The following CLEC12A variants were observed in gnomAD, a reference collection of about 807,000 sequenced individuals.
CLEC12A encodes C-type lectin protein CLL-1.
CLEC12A carries 22 observed loss-of-function variants against 26.5 expected under a neutral mutation model. The observed-to-expected ratio is 0.83, with a 90% confidence interval of 0.59 to 1.19. The LOEUF (loss-of-function observed/expected upper bound fraction) is 1.19. CLEC12A is among the 50% of genes most tolerant of loss of function. The pLI, the probability that CLEC12A is intolerant of heterozygous loss-of-function variation, is 0.00. For missense variants in CLEC12A, 353 were observed against 315.6 expected, an observed-to-expected ratio of 1.12 and a Z score of -0.90; for synonymous variants, 119 against 101.9, an observed-to-expected ratio of 1.17 and a Z score of -1.01.
intron 1 of CLEC12A, among the ~76,000 whole-genome samples, chr12:9,962,245 G>T (rs1007339988): frequency 2.1e-5 from 3 of 145,892 alleles, no homozygotes; most frequent in African/African-American, 7.6e-5. Context: ...ATGTATAACC[G>T]GTTTTTTCTT....
chr12:9,983,772 G>C, intron 5 of CLEC12A: 1 of 435,802 alleles, frequency 2.3e-6, no homozygotes, highest in Non-Finnish European at 4.1e-6. Flanking sequence ...CATAGAAATA[G>C]TAAGTGTAGG....
intron 1 of CLEC12A, among the ~76,000 whole-genome samples, chr12:9,978,048 G>C (rs1172400566): frequency 6.6e-6 from 1 of 152,030 alleles, no homozygotes; most frequent in Non-Finnish European, 1.5e-5. Flanking sequence ...TATAAGTTAA[G>C]TTTTACTATT....
rs146324782 is a variant in CLEC12A at position 9,960,522 on chromosome 12, C to G, written c.10+9166C>G. 1.9e-3 allele frequency among the ~76,000 whole-genome samples: 293 copies of G among 152,302 alleles called. 1 individual carries two copies. Among genetic ancestry groups the G allele is most frequent in the African/African-American group, 6.9e-3 (287 of 41,556 alleles). ...CCAGATCATAGTGCTCCAATGACTACTTCTGATTATAGTGCCACATTTCCA... is the reference window on the plus strand; with the variant it reads ...CCAGATCATAGTGCTCCAATGACTAGTTCTGATTATAGTGCCACATTTCCA... On this transcript the variant is annotated intron_variant, in intron 1 of 6. Transcript: ENST00000355690.
intron 1 of CLEC12A, chr12:9,951,612 A>G (rs1410450347): frequency 6.0e-6 from 3 of 499,080 alleles, no homozygotes; most frequent in Non-Finnish European, 1.1e-5. Flanking sequence ...CCATTTGCAG[A>G]TTGAACTAGC....
chr12:9,964,634 G>T (rs1426149623), intron 1 of CLEC12A, among the ~76,000 whole-genome samples: 1 of 152,120 alleles, frequency 6.6e-6, no homozygotes. Context: ...TGTAGGGAAA[G>T]GAGGGGGCCT....
At chr12:9,982,553 A>G (rs1224928968) in intron 5 of CLEC12A, among the ~76,000 whole-genome samples, 1 of 152,158 alleles carries the variant, frequency 6.6e-6, no homozygotes, top group Non-Finnish European at 1.5e-5. Context: ...ATATAGTGTG[A>G]TAAATGCTTC....
At chr12:9,961,270 C>T (rs1023054261) in intron 1 of CLEC12A, among the ~76,000 whole-genome samples, 18 of 152,276 alleles carry the variant, frequency 1.2e-4, no homozygotes, top group Admixed American at 4.6e-4. Context: ...GTGTTCGACA[C>T]GCACTTCCTG....
At chr12:9,966,504 A>G (rs1477342468), upstream of CLEC12A, among the ~76,000 whole-genome samples, 3 of 152,134 alleles carry the variant, frequency 2.0e-5, no homozygotes, top group Admixed American at 6.6e-5. Flanking sequence ...TTCTCTGGCC[A>G]GGTGGCCAGA....
chr12:10,005,217 G>A, the CLEC12A span, among the ~76,000 whole-genome samples: 3 of 152,100 alleles, frequency 2.0e-5, no homozygotes, highest in Non-Finnish European at 2.9e-5. Flanking sequence ...CAAGCATTTA[G>A]CTTATATTAT....
At chr12:9,967,099 G>A (rs1277652061), upstream of CLEC12A, among the ~76,000 whole-genome samples, 1 of 151,872 alleles carries the variant, frequency 6.6e-6, no homozygotes, top group Non-Finnish European at 1.5e-5. Context: ...ACAGGGTGGA[G>A]AAGTGGAGGC....
chr12:9,966,257 C>T (rs867802744), intron 1 of CLEC12A, among the ~76,000 whole-genome samples: 2 of 152,170 alleles, frequency 1.3e-5, no homozygotes, highest in Admixed American at 6.5e-5. Context: ...CGGGCTTACC[C>T]TCCACTGTGA....
downstream of CLEC12A, chr12:9,998,439 G>A (rs1370847043): frequency 4.6e-6 from 6 of 1,292,970 alleles, no homozygotes; most frequent in Admixed American, 1.7e-5. Context: ...TATGGGGAAG[G>A]CTCACCCCTG....
intron 1 of CLEC12A, among the ~76,000 whole-genome samples, chr12:9,962,048 C>A (rs1032925865): frequency 1.3e-5 from 2 of 152,168 alleles, no homozygotes; most frequent in African/African-American, 4.8e-5. Flanking sequence ...GGGAGGCAGC[C>A]TTCATCAGCT....
chr12:9,955,843 G>C (rs1863734699), intron 1 of CLEC12A, among the ~76,000 whole-genome samples: 1 of 152,188 alleles, frequency 6.6e-6, no homozygotes, highest in Non-Finnish European at 1.5e-5. Context: ...AATCAAACCT[G>C]ATAAATGATG....
At position 9,985,348 on chromosome 12, in the gene CLEC12A, C is replaced by A. The variant is rs1266202677; in HGVS notation, c.*322C>A. On this transcript the variant is annotated 3_prime_UTR_variant, in exon 6 of 6. Coordinates refer to ENST00000304361, the MANE Select transcript of CLEC12A (RefSeq NM_138337.6). The stretch of plus-strand genomic sequence containing the variant: ...TTCTTCCCCTTCTGGCCAAGATTTG[C>A]CAGAGGCAACATCAAAAACCAGCAA... The A allele has an allele frequency of 3.3e-5, 13 of 398,212 alleles. No individual in the cohort carries two copies. Among genetic ancestry groups the A allele is most frequent in the Non-Finnish European group, 5.3e-5 (12 of 226,688 alleles). The allele number at this position is 398,212 out of a possible 1,614,324, so 24.7% of individuals were successfully genotyped here.
intron 4 of CLEC12A, among the ~76,000 whole-genome samples, chr12:9,994,452 A>C (rs1260439035): frequency 2.6e-5 from 4 of 152,116 alleles, no homozygotes; most frequent in Admixed American, 1.3e-4. Context: ...AGATTATATA[A>C]GTTTTGGTTA....
At chr12:10,006,150 G>A in the CLEC12A span, among the ~76,000 whole-genome samples, 6 of 152,260 alleles carry the variant, frequency 3.9e-5, no homozygotes, top group African/African-American at 9.6e-5. Flanking sequence ...ATTGTCAAAG[G>A]TGATTCCAAG....
In CLEC12A at chr12:9,951,397, T is replaced by G. The variant is rs1230155951; in HGVS notation, c.10+41T>G. The G allele has an allele frequency of 4.3e-6, 3 of 702,762 alleles. No individual in the cohort carries two copies. In the Admixed American group the frequency reaches 6.0e-5, roughly 14 times the overall value. 43.5% of individuals were successfully genotyped at this position (702,762 alleles called of 1,614,324 possible). A position where few individuals can be genotyped will look rare whatever the true frequency, so the allele number is the denominator to read the frequency against. On this transcript the variant is annotated intron_variant, in intron 1 of 6. Transcript: ENST00000355690. ...GGATACCGACAGTGGGAATGGCTCC[T>G]CTCAATTTGAGAAATTCTGAAGGAA...
chr12:9,977,014 C>G (rs764315884), intron 1 of CLEC12A, among the ~76,000 whole-genome samples: 1 of 152,162 alleles, frequency 6.6e-6, no homozygotes, highest in African/African-American at 2.4e-5. Flanking sequence ...CATTAAACCT[C>G]TCTTTCCTTA....
Sources: allele counts gnomAD v4.1 joint callset (sites outside exome capture counted in the v4.1 genomes callset), GRCh38; gene constraint gnomAD v4.1.1; transcripts MANE v1.5; gene names NCBI Gene and HGNC (gene_info 2026-07-23, HGNC 2026-07-21).